Variants in OPRM1 observed in about 807,000 individuals in gnomAD.
OPRM1 encodes mu-type opioid receptor.
Under a neutral mutation model 31.8 loss-of-function variants are expected in OPRM1, and 27 were observed. The observed-to-expected ratio is 0.85, with a 90% CI of 0.63 to 1.17. The LOEUF (loss-of-function observed/expected upper bound fraction) is 1.17. Ranked by LOEUF, OPRM1 falls within the 50% of genes most tolerant of loss-of-function variation. The pLI is 0.00. For synonymous variants in OPRM1, 196 were observed against 189.9 expected, an observed-to-expected ratio of 1.03 and a Z score of -0.26; for missense variants, 536 against 511.1, an observed-to-expected ratio of 1.05 and a Z score of -0.47.
intron 3 of OPRM1, chr6:154,199,903 T>C (rs1319792051): frequency 1.2e-6 from 2 of 1,614,214 alleles, no homozygotes; most frequent in Admixed American, 3.3e-5. Flanking sequence ...AACTGTTAAC[T>C]GTGTCAGGCA....
chr6:154,204,267 G>A lies in OPRM1; in HGVS notation c.1165-42426G>A, dbSNP rs140678769. Among the ~76,000 whole-genome samples the A allele has an allele frequency of 1.5e-4, 23 of 152,200 alleles. No individual in the cohort carries two copies. The East Asian group carries it at 2.1e-3, about 14-fold the overall frequency. On this transcript the variant is annotated intron_variant, in intron 3 of 3. Transcript: ENST00000337049. ...GTTTTTCAAACACAAGTTTGACATGGTGAAAAAATAGTTTAAAATGGCCAC... is the reference window on the plus strand; with the variant it reads ...GTTTTTCAAACACAAGTTTGACATGATGAAAAAATAGTTTAAAATGGCCAC...
At chr6:154,056,310 GAT>G (rs1479713864) in intron 1 of OPRM1, among the ~76,000 whole-genome samples, 2 of 151,860 alleles carry the variant, frequency 1.3e-5, no homozygotes, top group Non-Finnish European at 2.9e-5. Context: ...TTTTAGTAGA[GAT>G]GGGGTTTCAC....
chr6:154,143,212 A>G (rs910275600), intron 3 of OPRM1, among the ~76,000 whole-genome samples: 3 of 152,206 alleles, frequency 2.0e-5, no homozygotes, highest in Non-Finnish European at 4.4e-5. Flanking sequence ...CAAACTGCTT[A>G]TGTGTCTATT....
intron 3 of OPRM1, among the ~76,000 whole-genome samples, chr6:154,163,936 G>T (rs1799223659): frequency 6.6e-6 from 1 of 152,190 alleles, no homozygotes; most frequent in Admixed American, 6.5e-5. Context: ...TAGGAAAGCA[G>T]AGGGATTGTT....
chr6:154,104,156 C>A (rs544228), intron 3 of OPRM1, among the ~76,000 whole-genome samples: 99,382 of 151,432 alleles, frequency 0.66, 32,981 homozygotes, highest in East Asian at 0.9. Context: ...CTATTAGGGG[C>A]TCTTGTGTTT....
chr6:154,100,110 T>TAA lies in OPRM1; in HGVS notation c.1164+8638_1164+8639insAA, dbSNP rs1562472323. The stretch of plus-strand genomic sequence containing the variant: ...ATATTATCATATTATGATATATATA[T>TAA]TATATATTATCATATTATGACATAT... On this transcript the variant is annotated intron_variant, in intron 3 of 3. Transcript: ENST00000330432. Among the ~76,000 whole-genome samples the TAA allele has an allele frequency of 2.4e-4, 6 of 24,708 alleles. 2 individuals are homozygous for TAA. Among genetic ancestry groups the TAA allele is most frequent in the East Asian group, 4.9e-3 (1 of 204 alleles). The allele number at this position is 24,708 out of a possible 152,430, so 16.2% of individuals were successfully genotyped here.
chr6:154,087,315 A>G (rs1790822784), intron 1 of OPRM1: 1 of 985,350 alleles, frequency 1.0e-6, no homozygotes, highest in African/African-American at 1.7e-5. Flanking sequence ...TTTCCTGGAC[A>G]CTGAATTCAG....
chr6:154,109,811 T>C (rs1162002719), intron 3 of OPRM1, among the ~76,000 whole-genome samples: 1 of 123,532 alleles, frequency 8.1e-6, no homozygotes, highest in Non-Finnish European at 1.8e-5. Context: ...TGTGTGTGTG[T>C]GTGTGTGTGT....
At chr6:154,238,048 T>C (rs142828053) in intron 3 of OPRM1, among the ~76,000 whole-genome samples, 8 of 152,336 alleles carry the variant, frequency 5.3e-5, no homozygotes, top group African/African-American at 1.9e-4. Flanking sequence ...CATATATGCA[T>C]ATATAATTCT....
intron 1 of OPRM1, among the ~76,000 whole-genome samples, chr6:154,014,592 AG>A (rs2128376982): frequency 6.6e-6 from 1 of 151,482 alleles, no homozygotes; most frequent in South Asian, 2.1e-4. Flanking sequence ...TAAAAAAAAA[AG>A]CCCAGCTAAG....
chr6:154,039,885 TAC>T, intron 1 of OPRM1, 51 bp downstream of exon 1: 4 of 1,483,600 alleles, frequency 2.7e-6, no homozygotes, highest in Non-Finnish European at 3.6e-6. Flanking sequence ...CTTAAGGGGG[TAC>T]AAAGAGACAC....
chr6:154,174,404 G>C (rs1472214294), intron 3 of OPRM1, among the ~76,000 whole-genome samples: 2 of 152,100 alleles, frequency 1.3e-5, no homozygotes, highest in Non-Finnish European at 2.9e-5. Context: ...AGACCCATCA[G>C]TGTGCTATAT....
intron 3 of OPRM1, among the ~76,000 whole-genome samples, chr6:154,240,306 G>A (rs1035534745): frequency 2.6e-5 from 4 of 152,124 alleles, no homozygotes; most frequent in Non-Finnish European, 5.9e-5. Flanking sequence ...TAAAGAATAC[G>A]TCCTCTGCTG....
At chr6:154,117,579 C>CA (rs1402591419) in intron 3 of OPRM1, among the ~76,000 whole-genome samples, 2 of 152,094 alleles carry the variant, frequency 1.3e-5, no homozygotes, top group Admixed American at 6.6e-5. Flanking sequence ...CCTGGGGGAG[C>CA]AATAAACAAA....
At chr6:154,139,452 C>G (rs1018539071) in intron 3 of OPRM1, among the ~76,000 whole-genome samples, 1 of 152,154 alleles carries the variant, frequency 6.6e-6, no homozygotes, top group Non-Finnish European at 1.5e-5. Context: ...TTTCTTTCAA[C>G]CTGGAGCACA....
At chr6:154,046,731 A>AC (rs1318508242) in intron 1 of OPRM1, 1 of 152,220 alleles carries the variant, frequency 6.6e-6, no homozygotes, top group Non-Finnish European at 1.5e-5. Context: ...AGGAAGAGAA[A>AC]CCTTGCCCTG....
At chr6:154,143,379 C>T (rs903645200) in intron 3 of OPRM1, among the ~76,000 whole-genome samples, 1 of 152,188 alleles carries the variant, frequency 6.6e-6, no homozygotes, top group African/African-American at 2.4e-5. Context: ...TTGACCACTA[C>T]AGCACACAGT....
chr6:154,197,654 C>A (rs1163720543), intron 3 of OPRM1, among the ~76,000 whole-genome samples: 1 of 152,212 alleles, frequency 6.6e-6, no homozygotes, highest in African/African-American at 2.4e-5. Context: ...GGCTCTACAG[C>A]ACATGCAATC....
chr6:154,099,063 T>C (rs1230997408), intron 3 of OPRM1, among the ~76,000 whole-genome samples: 1 of 152,062 alleles, frequency 6.6e-6, no homozygotes, highest in Non-Finnish European at 1.5e-5. Context: ...GTGAATTGCT[T>C]GAGCCCAGGA....
Sources: gnomAD v4.1 joint callset for allele counts (sites outside exome capture counted in the v4.1 genomes callset) on GRCh38, gnomAD v4.1.1 for gene constraint, MANE v1.5 for transcripts, NCBI Gene and HGNC (gene_info 2026-07-23, HGNC 2026-07-21) for gene names.